CNTNAP2: variants seen among roughly 807,000 people sequenced by gnomAD.
CNTNAP2 encodes contactin associated protein 2, also known as contactin-associated protein-like 2.
Under a neutral mutation model 155.2 loss-of-function variants are expected in CNTNAP2, and 98 were observed. That is an observed-to-expected ratio of 0.63 (90% CI 0.54 to 0.75). CNTNAP2 has a LOEUF of 0.75. CNTNAP2 is among the 30% of genes least tolerant of loss of function. The pLI is 0.00. For missense variants in CNTNAP2, 1,727 were observed against 1,688.1 expected (o/e 1.02, Z -0.40); for synonymous variants, 651 against 631.2 (o/e 1.03, Z -0.47).
At chr7:146,224,770 A>AAAACAAAC (rs1019440713) in intron 1 of CNTNAP2, among the ~76,000 whole-genome samples, 1 of 152,146 alleles carries the variant, frequency 6.6e-6, no homozygotes, top group African/African-American at 2.4e-5. Context: ...CTCCGTCTCA[A>AAAACAAAC]AAACAAACAA....
intron 14 of CNTNAP2, among the ~76,000 whole-genome samples, chr7:147,905,910 C>CAA (rs767540827): frequency 1.5e-5 from 2 of 136,368 alleles, no homozygotes; most frequent in Non-Finnish European, 3.2e-5. Flanking sequence ...AACAAACAAA[C>CAA]AAACAAAAAA....
chr7:147,142,558 G>A (rs1300579072), intron 8 of CNTNAP2, among the ~76,000 whole-genome samples: 1 of 152,002 alleles, frequency 6.6e-6, no homozygotes, highest in Non-Finnish European at 1.5e-5. Context: ...GTCTCTGCCA[G>A]GCTTTGGTAT....
chr7:146,915,169 A>G (rs928329083), intron 3 of CNTNAP2, among the ~76,000 whole-genome samples: 1 of 151,420 alleles, frequency 6.6e-6, no homozygotes, highest in Non-Finnish European at 1.5e-5. Flanking sequence ...TCTGTGGTCT[A>G]CATGACTGTT....
chr7:148,037,952 G>T (rs1020328780), intron 15 of CNTNAP2, among the ~76,000 whole-genome samples: 1 of 152,106 alleles, frequency 6.6e-6, no homozygotes, highest in Non-Finnish European at 1.5e-5. Context: ...TTTAGGATTT[G>T]GTACTACCTG....
At chr7:146,719,075 A>G (rs542429520) in intron 1 of CNTNAP2, among the ~76,000 whole-genome samples, 1 of 152,130 alleles carries the variant, frequency 6.6e-6, no homozygotes, top group Non-Finnish European at 1.5e-5. Context: ...AAATCACTCT[A>G]TTTTTTGTTA....
At chr7:146,803,449 CTT>C (rs1483770132) in intron 2 of CNTNAP2, among the ~76,000 whole-genome samples, 2 of 152,148 alleles carry the variant, frequency 1.3e-5, no homozygotes, top group African/African-American at 4.8e-5. Flanking sequence ...CACATAATCT[CTT>C]GTTTTCATCT....
intron 13 of CNTNAP2, among the ~76,000 whole-genome samples, chr7:147,647,935 G>A (rs1350845018): frequency 6.6e-6 from 1 of 152,124 alleles, no homozygotes; most frequent in African/African-American, 2.4e-5. Context: ...TAGAGAGGAA[G>A]CCATCCCCTG....
At chr7:147,571,916 C>G (rs1356896282) in intron 12 of CNTNAP2, among the ~76,000 whole-genome samples, 2 of 152,146 alleles carry the variant, frequency 1.3e-5, no homozygotes, top group African/African-American at 4.8e-5. Context: ...AATAGCTGTC[C>G]TTTATGTCTT....
intron 3 of CNTNAP2, among the ~76,000 whole-genome samples, chr7:147,034,123 C>T (rs1278301784): frequency 6.6e-6 from 1 of 152,120 alleles, no homozygotes; most frequent in Non-Finnish European, 1.5e-5. Flanking sequence ...AAGGATTCCT[C>T]TCTTTTTATA....
chr7:148,011,894 G>A (rs1355819490), intron 15 of CNTNAP2, among the ~76,000 whole-genome samples: 4 of 152,178 alleles, frequency 2.6e-5, no homozygotes, highest in African/African-American at 9.7e-5. Context: ...TATCATTGAA[G>A]ATGTAGCCTT....
At chr7:146,299,540 G>A (rs1800570873) in intron 1 of CNTNAP2, among the ~76,000 whole-genome samples, 2 of 152,052 alleles carry the variant, frequency 1.3e-5, no homozygotes, top group African/African-American at 2.4e-5. Flanking sequence ...GGGCCACCAT[G>A]CAGCTAATTT....
chr7:146,599,412 C>T lies in CNTNAP2; in HGVS notation c.98-174859C>T, dbSNP rs1045730058. 3.3e-5 allele frequency among the ~76,000 whole-genome samples: 5 copies of T among 151,914 alleles called. No individual in the cohort carries two copies. The East Asian group carries it at 5.8e-4, about 18-fold the overall frequency. On this transcript the variant is annotated intron_variant, in intron 1 of 23. Coordinates refer to ENST00000361727, the MANE Select transcript of CNTNAP2 (RefSeq NM_014141.6). ...ATAAGTCTAACATGGTCTGGGATCC[C>T]GTATTTCCTCTCTGATCTCATTGTG...
intron 3 of CNTNAP2, among the ~76,000 whole-genome samples, chr7:146,899,641 A>T (rs1325586442): frequency 1.3e-5 from 2 of 152,186 alleles, no homozygotes; most frequent in African/African-American, 4.8e-5. Flanking sequence ...GCTCAAACCA[A>T]TTCCAGATAG....
intron 1 of CNTNAP2, among the ~76,000 whole-genome samples, chr7:146,679,582 C>T (rs553745957): frequency 6.6e-6 from 1 of 152,010 alleles, no homozygotes; most frequent in Non-Finnish European, 1.5e-5. Flanking sequence ...GTCTCGAACG[C>T]CTGACCTCAT....
intron 13 of CNTNAP2, among the ~76,000 whole-genome samples, chr7:147,667,756 C>T (rs1248716246): frequency 6.6e-6 from 1 of 150,530 alleles, no homozygotes. Flanking sequence ...CTTTTTAAGG[C>T]CTATTACCTG....
intron 3 of CNTNAP2, among the ~76,000 whole-genome samples, chr7:146,946,307 T>C (rs1381394275): frequency 6.6e-6 from 1 of 152,172 alleles, no homozygotes; most frequent in African/African-American, 2.4e-5. Flanking sequence ...CTGTCTGTGA[T>C]TTTTAAAAGC....
At chr7:147,812,271 T>G (rs552081851) in intron 13 of CNTNAP2, among the ~76,000 whole-genome samples, 1 of 152,306 alleles carries the variant, frequency 6.6e-6, no homozygotes, top group African/African-American at 2.4e-5. Flanking sequence ...AACTTAGTCT[T>G]TCTTTTCTCA....
intron 15 of CNTNAP2, among the ~76,000 whole-genome samples, chr7:148,025,941 T>C (rs1342002811): frequency 6.6e-6 from 1 of 152,212 alleles, no homozygotes; most frequent in African/African-American, 2.4e-5. Context: ...GTTTAGGCCT[T>C]GCTAATATAT....
At chr7:146,656,928 A>T (rs1053081150) in intron 1 of CNTNAP2, among the ~76,000 whole-genome samples, 2 of 152,122 alleles carry the variant, frequency 1.3e-5, no homozygotes, top group Non-Finnish European at 2.9e-5. Flanking sequence ...AGAAGAAACA[A>T]TTTTTTGTAC....
Sources: gnomAD v4.1 joint callset for allele counts (sites outside exome capture counted in the v4.1 genomes callset) on GRCh38, gnomAD v4.1.1 for gene constraint, MANE v1.5 for transcripts, NCBI Gene and HGNC (gene_info 2026-07-23, HGNC 2026-07-21) for gene names.